Variants in ARHGEF4 observed in about 807,000 individuals in gnomAD.
The protein encoded by ARHGEF4 is Rho guanine nucleotide exchange factor 4, also known as APC-stimulated guanine nucleotide exchange factor 1.
In ARHGEF4, 119 loss-of-function variants were observed where a neutral mutation model predicts 162.0. The observed-to-expected ratio is 0.73, with a 90% CI of 0.63 to 0.86. The LOEUF is 0.86. ARHGEF4 is among the 40% of genes least tolerant of loss of function. The pLI, the probability that ARHGEF4 is intolerant of heterozygous loss-of-function variation, is 0.00. For synonymous variants in ARHGEF4, 1,014 were observed against 979.9 expected (o/e 1.03, Z -0.65); for missense variants, 2,488 against 2,456.0 (o/e 1.01, Z -0.28).
At chr2:130,850,143 G>A (rs1222454419) in intron 1 of ARHGEF4, among the ~76,000 whole-genome samples, 8 of 152,094 alleles carry the variant, frequency 5.3e-5, no homozygotes, top group South Asian at 4.1e-4. Flanking sequence ...AGCAGCCCAC[G>A]TTTCTAGGGC....
chr2:130,972,388 C>A (rs1382461291), intron 4 of ARHGEF4, among the ~76,000 whole-genome samples: 1 of 152,126 alleles, frequency 6.6e-6, no homozygotes, highest in East Asian at 1.9e-4. Flanking sequence ...ATTAAAATAT[C>A]AGCAATGCTC....
chr2:130,930,973 C>T lies in ARHGEF4; in HGVS notation c.3574C>T (p.Pro1192Ser), dbSNP rs1302010156. The T allele has an allele frequency of 6.2e-7, 1 of 1,608,922 alleles. No individual in the cohort carries two copies. The highest frequency in any genetic ancestry group is 1.1e-5 in the South Asian group (1 of 90,842). Reference protein sequence around the residue: ...GSENHMPWEEPAGEKPSCSHS... With the variant: ...GSENHMPWEESAGEKPSCSHS... ...CCAGAACCACATGCCCTGGGAAGAA[C>T]CAGCAGGTGAGAAGCCCAGTTGCTC... is the stretch of plus-strand genomic sequence containing the variant. The change falls in exon 3 of 14, where the codon CCA (proline) becomes TCA (serine). Residue 1192 changes from proline (P) to serine (S), a missense_variant. By Grantham distance (74) the Pro-to-Ser change is moderately conservative. Coordinates refer to ENST00000409359, the MANE Select transcript of ARHGEF4 (RefSeq NM_001367493.1).
At chr2:130,917,548 A>G in intron 2 of ARHGEF4, 50 bp downstream of exon 2, 7 of 1,493,616 alleles carry the variant, frequency 4.7e-6, no homozygotes, top group Non-Finnish European at 6.2e-6. Context: ...CAGGCAAGAG[A>G]AGGAGGGGAG....
intron 4 of ARHGEF4, among the ~76,000 whole-genome samples, chr2:130,954,222 C>T (rs1012912328): frequency 6.6e-6 from 1 of 152,124 alleles, no homozygotes; most frequent in African/African-American, 2.4e-5. Flanking sequence ...ACTATGGAGC[C>T]ATAAAAAAGG....
At chr2:130,838,142 G>T (rs1680336046) in intron 1 of ARHGEF4, among the ~76,000 whole-genome samples, 1 of 152,254 alleles carries the variant, frequency 6.6e-6, no homozygotes, top group Admixed American at 6.5e-5. Context: ...GAGTGTAGGA[G>T]ATGGCTTGGA....
chr2:130,886,288 G>A (rs916531109), intron 1 of ARHGEF4, among the ~76,000 whole-genome samples: 1 of 149,482 alleles, frequency 6.7e-6, no homozygotes, highest in African/African-American at 2.5e-5. Flanking sequence ...TCTCATTGCT[G>A]TTTTTTTTTG....
intron 1 of ARHGEF4, among the ~76,000 whole-genome samples, chr2:130,877,330 ATG>A (rs1440272837): frequency 6.6e-6 from 1 of 152,244 alleles, no homozygotes; most frequent in Non-Finnish European, 1.5e-5. Context: ...TGTACACAAC[ATG>A]TTTTGAAATG....
intron 4 of ARHGEF4, among the ~76,000 whole-genome samples, chr2:130,953,690 G>T (rs1007794122): frequency 2.6e-5 from 4 of 152,110 alleles, no homozygotes; most frequent in African/African-American, 9.7e-5. Flanking sequence ...AATCTGCAAA[G>T]AACTTAAACA....
intron 4 of ARHGEF4, among the ~76,000 whole-genome samples, chr2:131,019,019 G>A (rs1046483916): frequency 6.6e-5 from 10 of 152,192 alleles, no homozygotes; most frequent in Admixed American, 4.6e-4. Flanking sequence ...CAGGAAATGC[G>A]GGTCCTCCAA....
At chr2:130,837,493 C>T (rs1225902766) in intron 1 of ARHGEF4, 2 of 361,812 alleles carry the variant, frequency 5.5e-6, no homozygotes, top group Admixed American at 7.0e-5. Context: ...GCAGCAGCGG[C>T]AAGGGGCTGG....
In ARHGEF4 at chr2:130,846,628, A is replaced by G. The variant is rs549304356; in HGVS notation, c.39+9636A>G. ...AGTGAGAGGGGCTTGAGGAAGCTGG[A>G]CTTTGCTTGGATGGATGCCCTCAGG... On this transcript the variant is annotated intron_variant, in intron 1 of 13. Coordinates refer to ENST00000409359, the MANE Select transcript of ARHGEF4 (RefSeq NM_001367493.1). 1.9e-3 allele frequency among the ~76,000 whole-genome samples: 282 copies of G among 152,168 alleles called. 1 individual carries two copies. The highest frequency in any genetic ancestry group is 6.3e-3 in the African/African-American group (260 of 41,526).
chr2:131,040,496 G>A (rs1364506246), intron 8 of ARHGEF4, 56 bp downstream of exon 8: 3 of 1,475,932 alleles, frequency 2.0e-6, no homozygotes, highest in Non-Finnish European at 2.7e-6. Context: ...AGGCTGCCGC[G>A]GGCGCCAGCG....
At chr2:130,957,024 T>C in intron 4 of ARHGEF4, among the ~76,000 whole-genome samples, 1 of 152,200 alleles carries the variant, frequency 6.6e-6, no homozygotes, top group Non-Finnish European at 1.5e-5. Flanking sequence ...TGTTGTACCC[T>C]AAGAAAAAAG....
At chr2:130,936,795 T>C (rs1247534011) in intron 3 of ARHGEF4, among the ~76,000 whole-genome samples, 2 of 152,184 alleles carry the variant, frequency 1.3e-5, no homozygotes, top group African/African-American at 2.4e-5. Context: ...ACTGAGCTTC[T>C]TGGATGTGTA....
rs181531515 is a variant in ARHGEF4, at chr2:131,029,672, G to A, written c.4125+1588G>A. 3.6e-3 allele frequency among the ~76,000 whole-genome samples: 547 copies of A among 151,664 alleles called. 4 individuals are homozygous for A. The highest frequency in any genetic ancestry group is 0.012 in the African/African-American group (505 of 41,292). The stretch of plus-strand genomic sequence containing the variant: ...AGGTTCAAGTGATTCTCCTGCCTCA[G>A]CCTCCCAAGTAGCTGGGATTACAGG... On this transcript the variant is annotated intron_variant, in intron 5 of 13. Coordinates refer to ENST00000409359, the MANE Select transcript of ARHGEF4 (RefSeq NM_001367493.1).
Position 130,930,986 on chromosome 2 carries a change from A to G in ARHGEF4, c.3587A>G (p.Lys1196Arg). 1 of 1,610,950 alleles carries G rather than the reference A, an allele frequency of 6.2e-7. No homozygotes were observed. Among genetic ancestry groups the G allele is most frequent in the South Asian group, 1.1e-5 (1 of 90,982 alleles). The stretch of plus-strand genomic sequence containing the variant: ...CCCTGGGAAGAACCAGCAGGTGAGA[A>G]GCCCAGTTGCTCTCACAGTCAGAAG... Reference protein sequence around the residue: ...HMPWEEPAGEKPSCSHSQKAF... With the variant: ...HMPWEEPAGERPSCSHSQKAF... Residue 1196 changes from lysine (K) to arginine (R), a missense_variant, in exon 3 of 14, where the codon AAG (lysine) becomes AGG (arginine). Around this residue, in one of 6 missense-constraint regions of ARHGEF4, gnomAD observed 1,642 missense variants for 1,481.5 expected, o/e 1.11. Coordinates refer to ENST00000409359, the MANE Select transcript of ARHGEF4 (RefSeq NM_001367493.1).
intron 1 of ARHGEF4, among the ~76,000 whole-genome samples, chr2:130,872,721 G>A (rs1008187645): frequency 1.3e-5 from 2 of 152,192 alleles, no homozygotes; most frequent in African/African-American, 4.8e-5. Context: ...TCGGGATTAT[G>A]GGTTGCAAGG....
At chr2:130,837,880 C>A (rs945238344) in intron 1 of ARHGEF4, among the ~76,000 whole-genome samples, 1 of 152,206 alleles carries the variant, frequency 6.6e-6, no homozygotes, top group African/African-American at 2.4e-5. Context: ...GGGCGCCCTA[C>A]TTGGCTGTGC....
chr2:131,036,802 G>T (rs1169065417), intron 5 of ARHGEF4, among the ~76,000 whole-genome samples: 1 of 152,176 alleles, frequency 6.6e-6, no homozygotes, highest in East Asian at 1.9e-4. Context: ...CTGTGTCACA[G>T]ACCCCAGGTC....
Sources: allele counts gnomAD v4.1 joint callset (sites outside exome capture counted in the v4.1 genomes callset), GRCh38; gene constraint gnomAD v4.1.1; regional missense constraint gnomAD v4.1.1; transcripts MANE v1.5; gene names NCBI Gene and HGNC (gene_info 2026-07-23, HGNC 2026-07-21).